Variants in CHCHD4 observed in about 807,000 individuals in gnomAD.
CHCHD4 encodes the protein coiled-coil-helix-coiled-coil-helix domain containing 4, also known as mitochondrial intermembrane space import and assembly protein 40.
Under a neutral mutation model 12.4 loss-of-function variants are expected in CHCHD4, and 7 were observed. The ratio of observed to expected loss-of-function variants is 0.57; its 90% CI spans 0.32 to 1.06. The LOEUF (loss-of-function observed/expected upper bound fraction) is 1.06, where lower values mean the gene tolerates loss of function less well. CHCHD4 is among the 50% of genes least tolerant of loss of function. The probability of loss-of-function intolerance (pLI) is 0.04; values close to 1 mark genes in which losing one functional copy is unlikely to be tolerated. For synonymous variants in CHCHD4, 56 were observed against 58.0 expected (o/e 0.97, Z 0.16); for missense variants, 143 against 175.1 (o/e 0.82, Z 1.03).
intron 1 of CHCHD4, among the ~76,000 whole-genome samples, chr3:14,117,877 C>T (rs1005852952): frequency 1.2e-4 from 18 of 152,210 alleles, no homozygotes; most frequent in Non-Finnish European, 5.9e-5. Context: ...TACTGCCCCG[C>T]ACCAACATTT....
chr3:14,113,215 G>T, intron 2 of CHCHD4, 21 bp from the exon 3 acceptor site: 1 of 1,567,730 alleles, frequency 6.4e-7, no homozygotes, highest in Non-Finnish European at 8.7e-7. Flanking sequence ...AAGATAGAGA[G>T]ATGTTCTCTA....
chr3:14,113,425 G>A (rs755685832), intron 2 of CHCHD4, among the ~76,000 whole-genome samples: 2 of 152,166 alleles, frequency 1.3e-5, no homozygotes, highest in Non-Finnish European at 2.9e-5. Context: ...TTTATTCTAA[G>A]CCACCTCTCA....
At chr3:14,120,113 C>G (rs139826991) in intron 1 of CHCHD4, among the ~76,000 whole-genome samples, 1 of 152,074 alleles carries the variant, frequency 6.6e-6, no homozygotes, top group Non-Finnish European at 1.5e-5. Context: ...ACCCCAGAAC[C>G]TTGGTCAGAG....
rs2124981066 is a variant in CHCHD4, at chr3:14,124,768, C to A, written c.-92G>T. 5 of 1,399,484 alleles carry A rather than the reference C, an allele frequency of 3.6e-6. No individual in the cohort carries two copies. The South Asian group carries it at 4.1e-5, about 12-fold the overall frequency. The allele number at this position is 1,399,484 out of a possible 1,614,324, so 86.7% of individuals were successfully genotyped here. ...CCTCCCTCTCCTCTGGCAGGGCGGG[C>A]TCCTCCGAAGCCCGCGCGGACCCGC... is the stretch of plus-strand genomic sequence containing the variant. On this transcript the variant is annotated 5_prime_UTR_variant, in exon 1 of 3. Coordinates refer to ENST00000396914, the MANE Select transcript of CHCHD4 (RefSeq NM_001098502.2).
At position 14,124,743 on chromosome 3, in the gene CHCHD4, C is replaced by T. The variant is rs995011791; in HGVS notation, c.-67G>A. On this transcript the variant is annotated 5_prime_UTR_variant, in exon 1 of 3. Coordinates refer to ENST00000396914, the MANE Select transcript of CHCHD4 (RefSeq NM_001098502.2). ...CGGCAGCTGCACCTTTACGCCGTGA[C>T]CTCCCTCTCCTCTGGCAGGGCGGGC... 2 of 1,476,338 alleles carry T rather than the reference C, an allele frequency of 1.4e-6. No individual in the cohort carries two copies. The highest frequency in any genetic ancestry group is 1.3e-5 in the South Asian group (1 of 78,036). The allele number at this position is 1,476,338 out of a possible 1,614,324, so 91.5% of individuals were successfully genotyped here.
intron 1 of CHCHD4, among the ~76,000 whole-genome samples, chr3:14,121,659 A>G (rs956863299): frequency 1.5e-4 from 23 of 152,312 alleles, no homozygotes; most frequent in African/African-American, 5.5e-4. Flanking sequence ...TACAATTCCA[A>G]CCACTACTTT....
At chr3:14,115,002 C>A (rs191398098) in intron 2 of CHCHD4, among the ~76,000 whole-genome samples, 15 of 152,024 alleles carry the variant, frequency 9.9e-5, no homozygotes, top group African/African-American at 3.6e-4. Context: ...ATTCTGCCAC[C>A]TTTTTTCTTG....
intron 2 of CHCHD4, among the ~76,000 whole-genome samples, chr3:14,113,777 T>C (rs1694847231): frequency 6.6e-6 from 1 of 152,210 alleles, no homozygotes; most frequent in Admixed American, 6.5e-5. Context: ...ATACCATTAG[T>C]GCGAGTGCAT....
chr3:14,117,496 C>G (rs1328827522), intron 1 of CHCHD4, among the ~76,000 whole-genome samples: 2 of 152,190 alleles, frequency 1.3e-5, no homozygotes, highest in African/African-American at 4.8e-5. Flanking sequence ...GTCCTTACAG[C>G]CCTCTCTGCT....
At chr3:14,124,508 C>A (rs542109853) in intron 1 of CHCHD4, 147 bp downstream of exon 1, 11 of 583,206 alleles carry the variant, frequency 1.9e-5, no homozygotes, top group African/African-American at 1.2e-4. Flanking sequence ...AGCGACCCCC[C>A]AGCCGGCCCG....
At position 14,115,969 on chromosome 3, in the gene CHCHD4, A is replaced by ACTCCTGCTGCTAGAAAGCTGTCTG. The variant is rs571541431; in HGVS notation, c.121+433_121+456dup. Among the ~76,000 whole-genome samples, 99 of 152,006 alleles carry ACTCCTGCTGCTAGAAAGCTGTCTG rather than the reference A, an allele frequency of 6.5e-4. 2 individuals carry two copies. The East Asian group carries it at 0.014, about 21-fold the overall frequency. ...GCAACAGCTCTGACTAGGTTAGCTG[A>ACTCCTGCTGCTAGAAAGCTGTCTG]CTCCTGCTGCTAGAAAGCTGTCTGT... On this transcript the variant is annotated intron_variant, in intron 2 of 2. Transcript: ENST00000396914.
At chr3:14,120,163 A>G (rs556851893) in intron 1 of CHCHD4, among the ~76,000 whole-genome samples, 1 of 152,132 alleles carries the variant, frequency 6.6e-6, no homozygotes, top group East Asian at 1.9e-4. Flanking sequence ...TGAGTGCAGG[A>G]CTTCAGGGTG....
At chr3:14,120,986 T>C (rs1054022441) in intron 1 of CHCHD4, among the ~76,000 whole-genome samples, 1 of 152,276 alleles carries the variant, frequency 6.6e-6, no homozygotes, top group Admixed American at 6.5e-5. Context: ...CTGTGTCTCT[T>C]TGTTGTGCTT....
At chr3:14,121,187 C>T (rs1346942941) in intron 1 of CHCHD4, among the ~76,000 whole-genome samples, 3 of 152,108 alleles carry the variant, frequency 2.0e-5, no homozygotes, top group East Asian at 1.9e-4. Flanking sequence ...AGAGACTTTC[C>T]CCCCACCTCC....
At chr3:14,121,997 G>A in intron 1 of CHCHD4, 3 of 1,613,896 alleles carry the variant, frequency 1.9e-6, no homozygotes, top group Non-Finnish European at 2.5e-6. Context: ...AAGACGGAAG[G>A]GGAGGGATCC....
intron 2 of CHCHD4, 68 bp downstream of exon 2, chr3:14,116,358 G>C (rs1350548703): frequency 9.2e-7 from 1 of 1,082,312 alleles, no homozygotes; most frequent in East Asian, 2.4e-5. Flanking sequence ...CATGGGAAAG[G>C]AATTAAGAAC....
In CHCHD4 at chr3:14,113,006, G is replaced by A. The variant is rs1251006296; in HGVS notation, c.310C>T (p.Leu104Phe). 4 of 1,613,946 alleles carry A rather than the reference G, an allele frequency of 2.5e-6. No homozygotes were observed. Among genetic ancestry groups the A allele is most frequent in the Non-Finnish European group, 3.4e-6 (4 of 1,179,972 alleles). ...TCATCCTCATCCTCTTGGGGATAGA[G>A]GTCTGGGTATTTCTGCATGCATTCC... ...MQECMQKYPD[L>F]YPQEDEDEEE... Residue 104 changes from leucine (L) to phenylalanine (F), a missense_variant, in exon 3 of 3, where the codon CTC becomes TTC. Coordinates refer to ENST00000396914, the MANE Select transcript of CHCHD4 (RefSeq NM_001098502.2).
chr3:14,118,466 G>A (rs1574931685), intron 1 of CHCHD4, among the ~76,000 whole-genome samples: 1 of 152,228 alleles, frequency 6.6e-6, no homozygotes, highest in African/African-American at 2.4e-5. Flanking sequence ...AAAACCGAGC[G>A]ACATCTCCAG....
chr3:14,124,617 C>G (rs1467605879), intron 1 of CHCHD4, 38 bp downstream of exon 1: 4 of 1,495,578 alleles, frequency 2.7e-6, no homozygotes, highest in South Asian at 1.3e-5. Flanking sequence ...CCCGCAGGCC[C>G]TCGTAGGCCG....
Sources: gnomAD v4.1 joint callset for allele counts (sites outside exome capture counted in the v4.1 genomes callset) on GRCh38, gnomAD v4.1.1 for gene constraint, MANE v1.5 for transcripts, NCBI Gene and HGNC (gene_info 2026-07-23, HGNC 2026-07-21) for gene names.